Variants in TJP1 observed in about 807,000 individuals in gnomAD.
TJP1 encodes the protein tight junction protein ZO-1.
Under a neutral mutation model 194.2 loss-of-function variants are expected in TJP1, and 43 were observed. The ratio of observed to expected loss-of-function variants is 0.22; its 90% confidence interval spans 0.17 to 0.29. The LOEUF (loss-of-function observed/expected upper bound fraction) is 0.29. Among genes scored for constraint, TJP1 ranks in the 10% least tolerant of loss-of-function variants. TJP1 has a pLI of 1.00. For synonymous variants in TJP1, 801 were observed against 779.0 expected (o/e 1.03, Z -0.47); for missense variants, 1,971 against 2,185.7 (o/e 0.90, Z 1.96).
intron 8 of TJP1, among the ~76,000 whole-genome samples, chr15:29,760,795 C>A (rs1016447294): frequency 1.3e-5 from 2 of 152,198 alleles, no homozygotes; most frequent in Non-Finnish European, 2.9e-5. Context: ...TCTTCTAATG[C>A]AATAGTATGA....
intron 2 of TJP1, among the ~76,000 whole-genome samples, chr15:29,902,313 C>T (rs905588001): frequency 2.6e-5 from 4 of 151,606 alleles, no homozygotes; most frequent in Non-Finnish European, 5.9e-5. Context: ...ATAGACTACG[C>T]GCCCAGTATC....
intron 15 of TJP1, chr15:29,728,877 T>G (rs1170125328): frequency 2.0e-5 from 3 of 152,076 alleles, no homozygotes; most frequent in African/African-American, 7.2e-5. Context: ...ACTGGAGAAT[T>G]AAGAAGAAAG....
chr15:29,876,080 T>C (rs939448541), intron 2 of TJP1, among the ~76,000 whole-genome samples: 5 of 152,230 alleles, frequency 3.3e-5, no homozygotes, highest in African/African-American at 1.2e-4. Context: ...CATAGTCTCA[T>C]GTGGCTAGTA....
At chr15:29,827,344 G>A (rs2050708349), upstream of TJP1, among the ~76,000 whole-genome samples, 1 of 152,182 alleles carries the variant, frequency 6.6e-6, no homozygotes, top group African/African-American at 2.4e-5. Flanking sequence ...AAGCTATCAG[G>A]CCCAGCACAC....
intron 2 of TJP1, among the ~76,000 whole-genome samples, chr15:29,911,769 T>C (rs141100720): frequency 9.8e-5 from 15 of 152,324 alleles, no homozygotes; most frequent in South Asian, 2.1e-4. Flanking sequence ...TCACGGAAGT[T>C]CAGTCTCATA....
intron 24 of TJP1, among the ~76,000 whole-genome samples, chr15:29,709,621 A>G (rs561783435): frequency 1.6e-4 from 25 of 152,364 alleles, no homozygotes; most frequent in Non-Finnish European, 2.6e-4. Flanking sequence ...GAAAAATCAT[A>G]TGGTCATCTT....
At chr15:29,763,611 C>CA (rs2046145456) in intron 5 of TJP1, among the ~76,000 whole-genome samples, 1 of 151,388 alleles carries the variant, frequency 6.6e-6, no homozygotes, top group East Asian at 1.9e-4. Flanking sequence ...ATTAAAAATA[C>CA]AAAAAATTAG....
intron 2 of TJP1, among the ~76,000 whole-genome samples, chr15:29,949,038 C>T (rs927490108): frequency 1.3e-5 from 2 of 150,658 alleles, no homozygotes; most frequent in African/African-American, 2.4e-5. Context: ...ACACCCACCA[C>T]CATCACCTCC....
rs1555458855 is a variant in TJP1 at position 29,949,390 on chromosome 15, C to CACCACCTCCACCACA, written c.306+6841_306+6842insTGTGGTGGAGGTGGT. ...CCATCTTCACCACTGCTACCTCCACCACCACCACCTCCACAACCACCACCT... is the reference window on the plus strand; with the variant it reads ...CCATCTTCACCACTGCTACCTCCACCACCACCTCCACCACAACCACCACCTCCACAACCACCACCT... On this transcript the variant is annotated intron_variant, in intron 2 of 28. Coordinates refer to the TJP1 transcript ENST00000356107. 6.6e-3 allele frequency among the ~76,000 whole-genome samples: 874 copies of CACCACCTCCACCACA among 131,580 alleles called. 22 individuals are homozygous for CACCACCTCCACCACA. Among genetic ancestry groups the CACCACCTCCACCACA allele is most frequent in the Non-Finnish European group, 8.4e-3 (505 of 59,864 alleles). The allele number at this position is 131,580 out of a possible 152,430, so 86.3% of individuals were successfully genotyped here. A position where few individuals can be genotyped will look rare whatever the true frequency, so the allele number is the denominator to read the frequency against.
intron 2 of TJP1, among the ~76,000 whole-genome samples, chr15:29,945,269 G>C (rs756904722): frequency 1.9e-4 from 29 of 152,272 alleles, no homozygotes; most frequent in African/African-American, 5.1e-4. Context: ...ACAAGTATGT[G>C]CCTAAGTAGG....
At chr15:29,877,808 C>T (rs1357667863) in intron 2 of TJP1, among the ~76,000 whole-genome samples, 1 of 150,986 alleles carries the variant, frequency 6.6e-6, no homozygotes, top group Non-Finnish European at 1.5e-5. Flanking sequence ...ACTGGGATTA[C>T]AGGCGCGTGC....
intron 2 of TJP1, among the ~76,000 whole-genome samples, chr15:29,908,342 C>T (rs1263909955): frequency 2.0e-5 from 3 of 152,092 alleles, no homozygotes; most frequent in African/African-American, 4.8e-5. Context: ...CAGAATAGCA[C>T]TGGATTTAGT....
At chr15:29,862,622 G>C (rs1458399651) in intron 2 of TJP1, among the ~76,000 whole-genome samples, 1 of 150,734 alleles carries the variant, frequency 6.6e-6, no homozygotes, top group Non-Finnish European at 1.5e-5. Flanking sequence ...GCCCTTGGGA[G>C]GTAGGCAATA....
chr15:29,787,990 T>C (rs2047811345), intron 2 of TJP1, among the ~76,000 whole-genome samples: 1 of 152,218 alleles, frequency 6.6e-6, no homozygotes. Flanking sequence ...ATTGTCTTTC[T>C]GAGTACAGCC....
chr15:29,949,267 C>A (rs1567224302), intron 2 of TJP1, among the ~76,000 whole-genome samples: 15 of 114,754 alleles, frequency 1.3e-4, no homozygotes, highest in South Asian at 2.9e-4. Context: ...CCACCACCAC[C>A]ACCTCCATCA....
chr15:29,870,529 T>C (rs553940857), intron 2 of TJP1, among the ~76,000 whole-genome samples: 136 of 152,312 alleles, frequency 8.9e-4, no homozygotes, highest in Non-Finnish European at 1.6e-3. Flanking sequence ...TAAATAACAA[T>C]GTTCCTGTAA....
intron 5 of TJP1, among the ~76,000 whole-genome samples, chr15:29,764,392 A>G (rs938386784): frequency 2.6e-5 from 4 of 152,222 alleles, no homozygotes; most frequent in Admixed American, 1.3e-4. Context: ...TAATGAAGTC[A>G]TAAGTCTAGT....
intron 2 of TJP1, among the ~76,000 whole-genome samples, chr15:29,903,879 T>C (rs1468632514): frequency 6.6e-6 from 1 of 152,186 alleles, no homozygotes; most frequent in Non-Finnish European, 1.5e-5. Context: ...AATTTGCTTG[T>C]AAAAATCCAA....
chr15:29,705,767 G>A (rs776647689), intron 25 of TJP1, 22 bp from the exon 26 acceptor site: 3 of 1,607,596 alleles, frequency 1.9e-6, no homozygotes, highest in Admixed American at 1.7e-5. Context: ...GAAATGGCTA[G>A]TGAGTGAATT....
Sources: gnomAD v4.1 joint callset for allele counts (sites outside exome capture counted in the v4.1 genomes callset) on GRCh38, gnomAD v4.1.1 for gene constraint, MANE v1.5 for transcripts, NCBI Gene and HGNC (gene_info 2026-07-23, HGNC 2026-07-21) for gene names.